The following TCF7L1 variants were observed in gnomAD, a reference collection of about 807,000 sequenced individuals.
The protein encoded by TCF7L1 is transcription factor 7-like 1.
In TCF7L1, 18 loss-of-function variants were observed where a neutral mutation model predicts 63.7. That is an observed-to-expected ratio of 0.28 (90% confidence interval 0.20 to 0.42). The LOEUF (loss-of-function observed/expected upper bound fraction) is 0.42, where lower values mean the gene tolerates loss of function less well. TCF7L1 is among the 10% of genes least tolerant of loss of function. TCF7L1 has a pLI of 1.00. For synonymous variants in TCF7L1, 355 were observed against 340.9 expected (o/e 1.04, Z -0.46); for missense variants, 654 against 779.3 (o/e 0.84, Z 1.91).
intron 3 of TCF7L1, among the ~76,000 whole-genome samples, chr2:85,274,528 A>G (rs1034523457): frequency 6.6e-6 from 1 of 152,038 alleles, no homozygotes; most frequent in Non-Finnish European, 1.5e-5. Flanking sequence ...CAGCCATCCC[A>G]GCAAGTCAGG....
intron 3 of TCF7L1, among the ~76,000 whole-genome samples, chr2:85,157,326 T>C (rs1678172365): frequency 6.6e-6 from 1 of 152,220 alleles, no homozygotes; most frequent in South Asian, 2.1e-4. Flanking sequence ...ACCCTCATTC[T>C]TTGGGTGTTC....
In TCF7L1 at chr2:85,229,825, T is replaced by C. The variant is rs61178996; in HGVS notation, c.442-53670T>C. 9.2e-3 allele frequency among the ~76,000 whole-genome samples: 1,407 copies of C among 152,238 alleles called. 20 individuals carry two copies. The highest frequency in any genetic ancestry group is 0.032 in the African/African-American group (1,338 of 41,538). ...GAGTTTGAGACCAGCCTGGCCAACA[T>C]GGGAAAACCTGTCTCTACTAAAAAT... On this transcript the variant is annotated intron_variant, in intron 3 of 11. Coordinates refer to ENST00000282111, the MANE Select transcript of TCF7L1 (RefSeq NM_031283.3).
chr2:85,241,455 T>G (rs866675586), intron 3 of TCF7L1, among the ~76,000 whole-genome samples: 2,956 of 139,266 alleles, frequency 0.021, 147 homozygotes, highest in African/African-American at 0.074. Flanking sequence ...TTTTTTTTTT[T>G]TTTTTTTTTT....
intron 3 of TCF7L1, among the ~76,000 whole-genome samples, chr2:85,185,825 G>A (rs530232129): frequency 2.6e-4 from 39 of 152,236 alleles, no homozygotes; most frequent in African/African-American, 9.4e-4. Context: ...CTCACTGTGC[G>A]GGTAGCCCCA....
At chr2:85,241,431 GTTTTTGTT>G (rs1680323261) in intron 3 of TCF7L1, among the ~76,000 whole-genome samples, 6 of 68,780 alleles carry the variant, frequency 8.7e-5, no homozygotes, top group African/African-American at 3.1e-4. Flanking sequence ...GATGCACTTT[GTTTTTGTT>G]TTTTTTTTTT....
At chr2:85,211,224 TA>T (rs11350941) in intron 3 of TCF7L1, among the ~76,000 whole-genome samples, 57,032 of 151,956 alleles carry the variant, frequency 0.38, 10,945 homozygotes, top group South Asian at 0.42. Flanking sequence ...TCCTCCTTAT[TA>T]ATAAATTTAG....
At chr2:85,222,104 G>A (rs1679852319) in intron 3 of TCF7L1, among the ~76,000 whole-genome samples, 1 of 152,178 alleles carries the variant, frequency 6.6e-6, no homozygotes, top group African/African-American at 2.4e-5. Flanking sequence ...CACTTCTGGA[G>A]GCCGAGGAGG....
Position 85,305,347 on chromosome 2 carries a change from C to G in TCF7L1, c.933C>G (p.Val311=). The G allele has an allele frequency of 6.2e-7, 1 of 1,613,900 alleles. No homozygotes were observed. The highest frequency in any genetic ancestry group is 8.5e-7 in the Non-Finnish European group (1 of 1,179,934). ...PTSGIPHPAI[V]SPIVKQEPAP... ...CAGGGATCCCCCACCCTGCCATCGT[C>G]TCCCCCATCGTCAAGCAGGAACCGG... is the stretch of plus-strand genomic sequence containing the variant. Residue 311 remains valine (V), a synonymous_variant, in exon 8 of 12, where the codon GTC becomes GTG. Coordinates refer to ENST00000282111, the MANE Select transcript of TCF7L1 (RefSeq NM_031283.3).
intron 3 of TCF7L1, among the ~76,000 whole-genome samples, chr2:85,267,006 A>G (rs1573017038): frequency 6.6e-6 from 1 of 152,094 alleles, no homozygotes; most frequent in Non-Finnish European, 1.5e-5. Context: ...CAGGAGTGGT[A>G]TGTTTTCTTC....
chr2:85,226,729 C>T (rs1003148132), intron 3 of TCF7L1, among the ~76,000 whole-genome samples: 1 of 152,056 alleles, frequency 6.6e-6, no homozygotes, highest in Non-Finnish European at 1.5e-5. Flanking sequence ...AGCCATCTCT[C>T]AGAACACAGT....
At chr2:85,258,232 G>A (rs932624157) in intron 3 of TCF7L1, among the ~76,000 whole-genome samples, 1 of 152,090 alleles carries the variant, frequency 6.6e-6, no homozygotes, top group Admixed American at 6.5e-5. Context: ...CCTGAGCAGG[G>A]GGGGCCTGCA....
chr2:85,265,510 G>C lies in TCF7L1; in HGVS notation c.442-17985G>C, dbSNP rs1476269215. On this transcript the variant is annotated intron_variant, in intron 3 of 11. Transcript: ENST00000282111. ...TGGAAGGGAAAGAGTGGAGGAGAGTGTCCAGGGCGGGGCTGTAGAGTGGAC... is the reference window on the plus strand; with the variant it reads ...TGGAAGGGAAAGAGTGGAGGAGAGTCTCCAGGGCGGGGCTGTAGAGTGGAC... Among the ~76,000 whole-genome samples the C allele has an allele frequency of 7.2e-5, 11 of 152,166 alleles. 1 individual carries two copies. The highest frequency in any genetic ancestry group is 3.9e-4 in the Admixed American group (6 of 15,282).
chr2:85,147,985 C>T (rs902450735), intron 3 of TCF7L1, among the ~76,000 whole-genome samples: 1 of 152,042 alleles, frequency 6.6e-6, no homozygotes, highest in African/African-American at 2.4e-5. Context: ...AAACTATGTT[C>T]TGGGTGGGAT....
At chr2:85,242,023 C>CG (rs11428091) in intron 3 of TCF7L1, among the ~76,000 whole-genome samples, 101,166 of 139,286 alleles carry the variant, frequency 0.73, 36,887 homozygotes, top group East Asian at 0.91. Flanking sequence ...GGCGGTGGTG[C>CG]GGGGGGGCAA....
Position 85,309,361 on chromosome 2 carries a change from C to A in TCF7L1, c.1666C>A (p.Leu556Met). ...CCTTGGGTCCATGCCCACAGCTCTG[C>A]TGGCCTCTCCCCCGTCCTTCCCCGC... Reference protein sequence around the residue: ...LPLGSMPTALLASPPSFPATL... With the variant: ...LPLGSMPTALMASPPSFPATL... The change falls in exon 12 of 12, where the codon CTG becomes ATG. Residue 556 changes from leucine (L) to methionine (M), a missense_variant. Transcript: ENST00000282111. 6.2e-7 allele frequency: 1 copy of A among 1,609,090 alleles called. No homozygotes were observed. Among genetic ancestry groups the A allele is most frequent in the Non-Finnish European group, 8.5e-7 (1 of 1,177,684 alleles).
At chr2:85,175,960 T>G (rs1678670088) in intron 3 of TCF7L1, among the ~76,000 whole-genome samples, 1 of 152,242 alleles carries the variant, frequency 6.6e-6, no homozygotes, top group South Asian at 2.1e-4. Context: ...AAATCAGGGT[T>G]AGGGATTGGA....
chr2:85,146,161 T>C (rs1467759015), intron 3 of TCF7L1, among the ~76,000 whole-genome samples: 1 of 152,258 alleles, frequency 6.6e-6, no homozygotes, highest in Non-Finnish European at 1.5e-5. Flanking sequence ...CAGGGCACTA[T>C]ATCACGCTGT....
intron 4 of TCF7L1, among the ~76,000 whole-genome samples, chr2:85,287,026 C>G (rs998566880): frequency 5.3e-5 from 8 of 152,122 alleles, no homozygotes; most frequent in Non-Finnish European, 1.2e-4. Flanking sequence ...AAAGAAAAAC[C>G]CTGTGTTCAG....
At chr2:85,148,743 A>G (rs888722545) in intron 3 of TCF7L1, among the ~76,000 whole-genome samples, 3 of 151,830 alleles carry the variant, frequency 2.0e-5, no homozygotes, top group Non-Finnish European at 4.4e-5. Flanking sequence ...CAGCATCTTA[A>G]CAAGTGGATC....
Sources: allele counts gnomAD v4.1 joint callset (sites outside exome capture counted in the v4.1 genomes callset), GRCh38; gene constraint gnomAD v4.1.1; transcripts MANE v1.5; gene names NCBI Gene and HGNC (gene_info 2026-07-23, HGNC 2026-07-21).